Variants in PIK3C3 observed in about 807,000 individuals in gnomAD.
PIK3C3 encodes the protein phosphatidylinositol 3-kinase catalytic subunit type 3.
In PIK3C3, 95 loss-of-function variants were observed where a neutral mutation model predicts 126.1. The ratio of observed to expected loss-of-function variants is 0.75; its 90% CI spans 0.64 to 0.89. PIK3C3 has a LOEUF of 0.89. PIK3C3 is among the 40% of genes least tolerant of loss of function. The pLI, the probability that PIK3C3 is intolerant of heterozygous loss-of-function variation, is 0.00. For synonymous variants in PIK3C3, 374 were observed against 360.0 expected (o/e 1.04, Z -0.44); for missense variants, 829 against 1,063.2 (o/e 0.78, Z 3.06).
chr18:42,033,206 G>T (rs1983906205), intron 15 of PIK3C3, among the ~76,000 whole-genome samples: 1 of 152,154 alleles, frequency 6.6e-6, no homozygotes, highest in Non-Finnish European at 1.5e-5. Context: ...GTTGCTTATT[G>T]ATGAAGCTGT....
At chr18:42,049,773 A>T (rs573751493) in intron 21 of PIK3C3, 168 bp downstream of exon 21, 1 of 505,970 alleles carries the variant, frequency 2.0e-6, no homozygotes, top group Non-Finnish European at 3.6e-6. Flanking sequence ...TGGGAGTTCG[A>T]GACCAGCCTG....
chr18:42,016,139 CAT>C (rs1311355769), intron 12 of PIK3C3, among the ~76,000 whole-genome samples: 16 of 151,986 alleles, frequency 1.1e-4, no homozygotes, highest in Non-Finnish European at 1.6e-4. Flanking sequence ...ACAAGTAACA[CAT>C]GTTTTATTAT....
At chr18:41,982,409 C>G (rs9949895) in intron 4 of PIK3C3, among the ~76,000 whole-genome samples, 24,398 of 151,990 alleles carry the variant, frequency 0.16, 2,117 homozygotes, top group East Asian at 0.29. Flanking sequence ...AGAGAGCAAT[C>G]AAGTTTATAC....
chr18:41,981,986 A>ATTTGATTTG, intron 4 of PIK3C3, among the ~76,000 whole-genome samples: 1 of 151,860 alleles, frequency 6.6e-6, no homozygotes, highest in East Asian at 1.9e-4. Flanking sequence ...CCTGTCTCAA[A>ATTTGATTTG]AAAAAAAAGG....
intron 4 of PIK3C3, chr18:41,970,750 C>A: frequency 1.8e-6 from 1 of 554,252 alleles, no homozygotes; most frequent in East Asian, 3.0e-5. Context: ...ATTTTCTGCT[C>A]CCTGCAGTTA....
At chr18:42,038,349 A>ATT (rs993643388) in intron 17 of PIK3C3, among the ~76,000 whole-genome samples, 1 of 147,922 alleles carries the variant, frequency 6.8e-6, no homozygotes, top group African/African-American at 2.5e-5. Context: ...TAAATTAACT[A>ATT]TTTTTTTTTT....
At chr18:42,066,666 A>C (rs1985552446) in intron 23 of PIK3C3, among the ~76,000 whole-genome samples, 1 of 152,226 alleles carries the variant, frequency 6.6e-6, no homozygotes. Context: ...GGCATTTTGC[A>C]CAAAGTAGTT....
intron 20 of PIK3C3, among the ~76,000 whole-genome samples, chr18:42,046,266 T>A (rs977268097): frequency 1.3e-5 from 2 of 152,160 alleles, no homozygotes; most frequent in Non-Finnish European, 2.9e-5. Flanking sequence ...TATGACAAAA[T>A]AATCTGTTTT....
At chr18:42,038,149 A>G (rs1984141217) in intron 17 of PIK3C3, among the ~76,000 whole-genome samples, 1 of 152,080 alleles carries the variant, frequency 6.6e-6, no homozygotes, top group Non-Finnish European at 1.5e-5. Context: ...CCCTGGCATT[A>G]AAAAGTACAT....
chr18:42,063,097 T>G (rs1985388968), intron 22 of PIK3C3, among the ~76,000 whole-genome samples: 1 of 152,200 alleles, frequency 6.6e-6, no homozygotes, highest in Non-Finnish European at 1.5e-5. Flanking sequence ...ACTCCACTCC[T>G]TAAACTTAGT....
At chr18:41,957,910 GTAT>G (rs1188328666) in intron 2 of PIK3C3, 152 bp downstream of exon 2, 1 of 552,020 alleles carries the variant, frequency 1.8e-6, no homozygotes, top group East Asian at 3.0e-5. Context: ...CTCAGATAAA[GTAT>G]TATGCATGTC....
chr18:42,013,652 A>G (rs1264130710), intron 11 of PIK3C3, 56 bp downstream of exon 11: 12 of 1,336,998 alleles, frequency 9.0e-6, no homozygotes, highest in Non-Finnish European at 1.3e-5. Context: ...CCCTTTTCAA[A>G]TTGTTTTCTC....
intron 9 of PIK3C3, among the ~76,000 whole-genome samples, chr18:41,998,042 T>G (rs548450587): frequency 6.6e-6 from 1 of 152,274 alleles, no homozygotes; most frequent in East Asian, 1.9e-4. Flanking sequence ...TAAGTTGTTT[T>G]TCTGAACCAA....
In PIK3C3 at chr18:42,054,126, GTATATATATATATATATATATA is replaced by G. The variant is rs60224978; in HGVS notation, c.2264-3712_2264-3691del. On this transcript the variant is annotated intron_variant, in intron 21 of 24. Transcript: ENST00000262039. ...GTTCTCTAGAGGGACAGAACTAATG[GTATATATATATATATATATATA>G]TATATATATATATATATATATATAT... Among the ~76,000 whole-genome samples, 180 of 69,594 alleles carry G rather than the reference GTATATATATATATATATATATA, an allele frequency of 2.6e-3. 3 individuals are homozygous for G. Among genetic ancestry groups the G allele is most frequent in the East Asian group, 7.8e-3 (9 of 1,152 alleles). 45.7% of individuals were successfully genotyped at this position (69,594 alleles called of 152,430 possible). A position where few individuals can be genotyped will look rare whatever the true frequency, so the allele number is the denominator to read the frequency against.
At chr18:41,984,084 C>G (rs1423033803) in intron 4 of PIK3C3, among the ~76,000 whole-genome samples, 3 of 151,762 alleles carry the variant, frequency 2.0e-5, no homozygotes. Flanking sequence ...TGACCTATCC[C>G]CATCCTAGAA....
intron 22 of PIK3C3, among the ~76,000 whole-genome samples, chr18:42,062,238 C>CTTTTTTTTTT (rs59113345): frequency 7.0e-6 from 1 of 142,542 alleles, no homozygotes; most frequent in South Asian, 2.2e-4. Context: ...GAAAGAGCAT[C>CTTTTTTTTTT]TTTTTTTTTT....
chr18:42,080,244 AT>A (rs2144543014), intron 24 of PIK3C3, among the ~76,000 whole-genome samples: 1 of 152,242 alleles, frequency 6.6e-6, no homozygotes, highest in South Asian at 2.1e-4. Flanking sequence ...AAATTACATT[AT>A]TTTTATTCAC....
intron 2 of PIK3C3, among the ~76,000 whole-genome samples, chr18:41,960,778 C>G (rs1251204369): frequency 6.6e-6 from 1 of 151,244 alleles, no homozygotes; most frequent in African/African-American, 2.4e-5. Context: ...GCGTCTCGCT[C>G]TGTCGCCAGG....
chr18:42,023,366 C>T (rs1043162019), intron 13 of PIK3C3, among the ~76,000 whole-genome samples: 2 of 152,224 alleles, frequency 1.3e-5, no homozygotes, highest in Admixed American at 6.5e-5. Flanking sequence ...GAAATCTGTT[C>T]GATGAAGTTT....
Sources: gnomAD v4.1 joint callset for allele counts (sites outside exome capture counted in the v4.1 genomes callset) on GRCh38, gnomAD v4.1.1 for gene constraint, MANE v1.5 for transcripts, NCBI Gene and HGNC (gene_info 2026-07-23, HGNC 2026-07-21) for gene names.